RBMS1: variants seen among roughly 807,000 people sequenced by gnomAD.
The protein encoded by RBMS1 is RNA binding motif single stranded interacting protein 1, also known as RNA-binding motif, single-stranded-interacting protein 1.
Under a neutral mutation model 62.3 loss-of-function variants are expected in RBMS1, and 17 were observed. That is an observed-to-expected ratio of 0.27 (90% confidence interval 0.19 to 0.41). The LOEUF is 0.41. Ranked by LOEUF, RBMS1 falls within the 10% of genes least tolerant of loss-of-function variation. RBMS1 has a pLI of 1.00. For synonymous variants in RBMS1, 172 were observed against 170.0 expected, an observed-to-expected ratio of 1.01 and a Z score of -0.09; for missense variants, 334 against 504.5, an observed-to-expected ratio of 0.66 and a Z score of 3.24.
chr2:160,368,953 T>A (rs1395392506), intron 1 of RBMS1, among the ~76,000 whole-genome samples: 1 of 152,198 alleles, frequency 6.6e-6, no homozygotes, highest in Non-Finnish European at 1.5e-5. Context: ...TTAATTTAGA[T>A]ATGTTACCAT....
At chr2:160,414,846 C>CA (rs11404886) in intron 1 of RBMS1, among the ~76,000 whole-genome samples, 6,475 of 128,042 alleles carry the variant, frequency 0.051, 143 homozygotes, top group Non-Finnish European at 0.052. Flanking sequence ...GACCCTGTCT[C>CA]AAAAAAAAAA....
At chr2:160,434,344 T>C (rs1031921731) in intron 1 of RBMS1, among the ~76,000 whole-genome samples, 1 of 152,180 alleles carries the variant, frequency 6.6e-6, no homozygotes, top group Non-Finnish European at 1.5e-5. Flanking sequence ...AATCTTACTC[T>C]AGCCAATAGT....
intron 1 of RBMS1, among the ~76,000 whole-genome samples, chr2:160,425,177 T>A (rs1377779996): frequency 1.3e-5 from 2 of 152,190 alleles, no homozygotes; most frequent in African/African-American, 4.8e-5. Flanking sequence ...CTATTTTTTA[T>A]AAGGTAGTCC....
At position 160,356,333 on chromosome 2, in the gene RBMS1, G is replaced by A. The variant is rs186181569; in HGVS notation, c.251+10883C>T. Among the ~76,000 whole-genome samples the A allele has an allele frequency of 8.3e-4, 127 of 152,150 alleles. 2 individuals carry two copies. The highest frequency in any genetic ancestry group is 8.3e-3 in the Admixed American group (126 of 15,268). On this transcript the variant is annotated intron_variant, in intron 2 of 13. Coordinates refer to ENST00000348849, the MANE Select transcript of RBMS1 (RefSeq NM_016836.4). ...TTTTATTTTATTGGCTATTCAAGTG[G>A]ACATAAGAAAAGGTGCTTTTTCTAA...
chr2:160,404,662 C>A (rs768755850), intron 1 of RBMS1, among the ~76,000 whole-genome samples: 13 of 152,166 alleles, frequency 8.5e-5, no homozygotes, highest in Non-Finnish European at 1.5e-4. Flanking sequence ...TGAGAGATGA[C>A]TGTATATGTA....
intron 1 of RBMS1, among the ~76,000 whole-genome samples, chr2:160,387,909 G>T (rs1191478445): frequency 6.6e-6 from 1 of 152,036 alleles, no homozygotes; most frequent in East Asian, 1.9e-4. Context: ...TTTATGCCTG[G>T]CCCTGGCATC....
chr2:160,446,736 G>A (rs1683666292), intron 1 of RBMS1, among the ~76,000 whole-genome samples: 1 of 152,110 alleles, frequency 6.6e-6, no homozygotes, highest in Non-Finnish European at 1.5e-5. Context: ...TTTCTTTGTT[G>A]TTTGTCCACC....
Position 160,493,529 on chromosome 2 carries a change from C to T in RBMS1, c.-166G>A. 1.6e-6 allele frequency: 1 copy of T among 631,612 alleles called. No individual in the cohort carries two copies. The highest frequency in any genetic ancestry group is 2.8e-6 in the Non-Finnish European group (1 of 358,982). The allele number at this position is 631,612 out of a possible 1,614,324, so 39.1% of individuals were successfully genotyped here. On this transcript the variant is annotated 5_prime_UTR_variant, in exon 1 of 14. Coordinates refer to ENST00000348849, the MANE Select transcript of RBMS1 (RefSeq NM_016836.4). The stretch of plus-strand genomic sequence containing the variant: ...CCCAGCCGGGACCAGACGTCCTCCT[C>T]CTCCTCCTCCTCTTCCTCCTCCTCC...
chr2:160,278,044 C>G (rs1199265237), intron 11 of RBMS1: 1 of 168,024 alleles, frequency 6.0e-6, no homozygotes, highest in South Asian at 1.4e-4. Flanking sequence ...AGCCATCTTA[C>G]CAGCAAAATG....
intron 1 of RBMS1, among the ~76,000 whole-genome samples, chr2:160,468,002 G>A (rs536486720): frequency 6.6e-6 from 1 of 152,284 alleles, no homozygotes; most frequent in South Asian, 2.1e-4. Context: ...AGCAGTCTCA[G>A]ATTGGTAGTG....
At chr2:160,300,603 A>G (rs1389806902) in intron 6 of RBMS1, 48 bp downstream of exon 6, 9 of 1,540,262 alleles carry the variant, frequency 5.8e-6, no homozygotes, top group Non-Finnish European at 7.8e-6. Context: ...AAAGTTAAAC[A>G]TACATCATAT....
chr2:160,335,501 A>G (rs1277270760), intron 2 of RBMS1, among the ~76,000 whole-genome samples: 1 of 152,198 alleles, frequency 6.6e-6, no homozygotes, highest in Non-Finnish European at 1.5e-5. Flanking sequence ...GTGACAATCA[A>G]TTTCATAAGA....
intron 1 of RBMS1, among the ~76,000 whole-genome samples, chr2:160,384,315 T>C (rs183698125): frequency 1.4e-3 from 213 of 152,324 alleles, no homozygotes; most frequent in African/African-American, 4.9e-3. Context: ...TGGGGGTAAA[T>C]TTAAGAAATT....
chr2:160,368,338 G>T (rs1277809025), intron 1 of RBMS1, among the ~76,000 whole-genome samples: 2 of 152,134 alleles, frequency 1.3e-5, no homozygotes, highest in African/African-American at 4.8e-5. Flanking sequence ...ACTAACTCAA[G>T]GACATCACTC....
At chr2:160,450,223 C>T (rs1311001975) in intron 1 of RBMS1, among the ~76,000 whole-genome samples, 1 of 152,172 alleles carries the variant, frequency 6.6e-6, no homozygotes, top group Non-Finnish European at 1.5e-5. Context: ...ATGCAATCTT[C>T]ACAGTGCTGT....
At chr2:160,388,928 C>A (rs1694719716) in intron 1 of RBMS1, among the ~76,000 whole-genome samples, 2 of 152,264 alleles carry the variant, frequency 1.3e-5, no homozygotes, top group Admixed American at 1.3e-4. Flanking sequence ...CAGGCCAGAT[C>A]TTTCTGTTCC....
chr2:160,446,585 T>C (rs959098035), intron 1 of RBMS1, among the ~76,000 whole-genome samples: 4 of 152,158 alleles, frequency 2.6e-5, no homozygotes, highest in Admixed American at 1.3e-4. Context: ...CACATCAATA[T>C]CAATGGAAGG....
intron 4 of RBMS1, among the ~76,000 whole-genome samples, chr2:160,310,281 C>T (rs1039365439): frequency 3.9e-5 from 6 of 152,192 alleles, no homozygotes; most frequent in African/African-American, 1.2e-4. Flanking sequence ...AACACTGCTG[C>T]CTGATCACCA....
intron 10 of RBMS1, 197 bp from the exon 11 acceptor site, chr2:160,278,855 G>A: frequency 1.9e-6 from 1 of 514,510 alleles, no homozygotes; most frequent in Admixed American, 3.7e-5. Context: ...TTTTTTAAGA[G>A]CGTTAGGGGA....
Sources: gnomAD v4.1 joint callset for allele counts (sites outside exome capture counted in the v4.1 genomes callset) on GRCh38, gnomAD v4.1.1 for gene constraint, MANE v1.5 for transcripts, NCBI Gene and HGNC (gene_info 2026-07-23, HGNC 2026-07-21) for gene names.